Variants in XPO7 observed in about 807,000 individuals in gnomAD.
XPO7 encodes the protein exportin-7.
In XPO7, 21 loss-of-function variants were observed where a neutral mutation model predicts 144.3. The observed-to-expected ratio is 0.15, with a 90% CI of 0.10 to 0.21. XPO7 has a LOEUF of 0.21. Among genes scored for constraint, XPO7 ranks in the 10% least tolerant of loss-of-function variants. The pLI is 1.00. For synonymous variants in XPO7, 580 were observed against 499.6 expected (o/e 1.16, Z -2.15); for missense variants, 808 against 1,325.8 (o/e 0.61, Z 6.06).
intron 19 of XPO7, among the ~76,000 whole-genome samples, chr8:21,993,210 T>C (rs1435206395): frequency 6.6e-6 from 1 of 152,334 alleles, no homozygotes; most frequent in African/African-American, 2.4e-5. Flanking sequence ...CAGCCCTTTT[T>C]CCCATTATAT....
In XPO7 at chr8:21,979,712, G is replaced by A. The variant is rs147437894; in HGVS notation, c.838-372G>A. Among the ~76,000 whole-genome samples the A allele has an allele frequency of 5.4e-3, 823 of 152,178 alleles. 3 individuals are homozygous for A. The highest frequency in any genetic ancestry group is 9.1e-3 in the Non-Finnish European group (616 of 67,996). On this transcript the variant is annotated intron_variant, in intron 8 of 27. Transcript: ENST00000252512. ...GTGAGCCACCACACCCGGCCGATAC[G>A]CTTATTTCTTTATAGCATGTAATGA...
intron 21 of XPO7, among the ~76,000 whole-genome samples, chr8:21,997,150 T>A (rs1343065139): frequency 6.6e-6 from 1 of 152,142 alleles, no homozygotes; most frequent in Non-Finnish European, 1.5e-5. Flanking sequence ...TGGGTAATAT[T>A]TAAAGAGGCT....
At chr8:21,952,937 T>C (rs1297471666) in intron 1 of XPO7, among the ~76,000 whole-genome samples, 6 of 152,240 alleles carry the variant, frequency 3.9e-5, no homozygotes. Flanking sequence ...TACTAGACTT[T>C]ATTTTTTAGA....
chr8:21,965,662 G>C (rs58725593), intron 1 of XPO7, among the ~76,000 whole-genome samples: 30,633 of 152,116 alleles, frequency 0.2, 4,471 homozygotes, highest in African/African-American at 0.41. Flanking sequence ...TTCAGTTAGT[G>C]TTGGAAATTT....
intron 21 of XPO7, 132 bp from the exon 22 acceptor site, chr8:21,998,622 CA>C (rs1813032940): frequency 1.5e-6 from 1 of 646,434 alleles, no homozygotes; most frequent in East Asian, 2.8e-5. Flanking sequence ...TGGTTATTCT[CA>C]TATTAGGATA....
At chr8:21,935,188 T>G (rs1810782143) in intron 1 of XPO7, among the ~76,000 whole-genome samples, 1 of 152,212 alleles carries the variant, frequency 6.6e-6, no homozygotes, top group African/African-American at 2.4e-5. Flanking sequence ...TTTTGACTAC[T>G]CTATGATTAG....
At chr8:21,987,880 A>G in intron 15 of XPO7, 23 bp downstream of exon 15, 3 of 1,612,130 alleles carry the variant, frequency 1.9e-6, no homozygotes, top group Non-Finnish European at 2.5e-6. Context: ...GCTTGCCACC[A>G]GCAAGAGTCC....
chr8:21,989,230 A>C (rs1475626549), intron 16 of XPO7, 147 bp downstream of exon 16: 2 of 750,302 alleles, frequency 2.7e-6, no homozygotes, highest in Non-Finnish European at 4.3e-6. Context: ...AAAAAACGCC[A>C]ATGCCCATGC....
intron 9 of XPO7, 133 bp downstream of exon 9, chr8:21,980,336 A>G (rs1462060013): frequency 1.8e-5 from 21 of 1,140,762 alleles, no homozygotes; most frequent in Non-Finnish European, 2.3e-5. Context: ...GTGAATCTCT[A>G]TTTGTAGGCC....
At chr8:21,931,716 C>G (rs1810656089) in intron 1 of XPO7, among the ~76,000 whole-genome samples, 1 of 152,224 alleles carries the variant, frequency 6.6e-6, no homozygotes, top group African/African-American at 2.4e-5. Context: ...AGGTTTCTAT[C>G]AATTCTACCT....
intron 1 of XPO7, among the ~76,000 whole-genome samples, chr8:21,943,519 T>C (rs1811061760): frequency 6.6e-6 from 1 of 152,212 alleles, no homozygotes; most frequent in African/African-American, 2.4e-5. Context: ...TTGAAGAAAT[T>C]TAGATTTAAG....
At chr8:21,982,343 C>A (rs571226840) in intron 10 of XPO7, among the ~76,000 whole-genome samples, 3 of 152,250 alleles carry the variant, frequency 2.0e-5, no homozygotes, top group African/African-American at 7.2e-5. Context: ...CTTGGTGTTT[C>A]TAACAAGTTC....
chr8:22,000,009 G>T (rs1813085561), intron 24 of XPO7, among the ~76,000 whole-genome samples: 1 of 152,206 alleles, frequency 6.6e-6, no homozygotes, highest in Non-Finnish European at 1.5e-5. Flanking sequence ...CAATAGGGGT[G>T]AGTACAAAGT....
At chr8:22,000,030 C>A (rs1400253655) in intron 24 of XPO7, among the ~76,000 whole-genome samples, 1 of 152,186 alleles carries the variant, frequency 6.6e-6, no homozygotes, top group Non-Finnish European at 1.5e-5. Flanking sequence ...GCTACACAAG[C>A]CCTCAAGAAT....
chr8:21,965,706 C>T (rs979500639), intron 1 of XPO7, among the ~76,000 whole-genome samples: 26 of 152,114 alleles, frequency 1.7e-4, no homozygotes, highest in South Asian at 2.1e-4. Context: ...GAATCCTGCC[C>T]CAAAGGCTTT....
Position 21,999,193 on chromosome 8 carries a change from G to A in XPO7, c.2531G>A (p.Ser844Asn), listed in dbSNP as rs1813054560. 3.7e-6 allele frequency: 6 copies of A among 1,614,032 alleles called. No individual in the cohort carries two copies. The highest frequency in any genetic ancestry group is 2.2e-5 in the South Asian group (2 of 91,084). The change falls in exon 23 of 28, where the codon AGT (serine) becomes AAT (asparagine). Residue 844 changes from serine (S) to asparagine (N), a missense_variant. By Grantham distance (46) the Ser-to-Asn change is conservative (BLOSUM62 1). Transcript: ENST00000252512. ...ICFSMLKAAL[S>N]GSYVNFGVFR... The stretch of plus-strand genomic sequence containing the variant: ...TTCTCCATGCTGAAGGCTGCTCTCA[G>A]TGGGAGTTACGTCAATTTCGGAGTC...
intron 21 of XPO7, among the ~76,000 whole-genome samples, chr8:21,997,127 C>T (rs1396497842): frequency 6.6e-6 from 1 of 152,140 alleles, no homozygotes; most frequent in East Asian, 1.9e-4. Context: ...AGTTTTAAAA[C>T]AACCTTATGG....
intron 1 of XPO7, among the ~76,000 whole-genome samples, chr8:21,931,425 G>C (rs1031883): frequency 3.3e-5 from 5 of 151,694 alleles, no homozygotes; most frequent in Non-Finnish European, 7.4e-5. Context: ...GATTACAGTC[G>C]TGAGCCACCG....
intron 1 of XPO7, among the ~76,000 whole-genome samples, chr8:21,942,544 C>T (rs895817726): frequency 6.6e-6 from 1 of 152,072 alleles, no homozygotes; most frequent in Admixed American, 6.6e-5. Flanking sequence ...ATTTATGATA[C>T]GTTGTTTTGG....
Sources: gnomAD v4.1 joint callset for allele counts (sites outside exome capture counted in the v4.1 genomes callset) on GRCh38, gnomAD v4.1.1 for gene constraint, MANE v1.5 for transcripts, NCBI Gene and HGNC (gene_info 2026-07-23, HGNC 2026-07-21) for gene names.